The following GPATCH8 variants were observed in gnomAD, a reference collection of about 807,000 sequenced individuals.
GPATCH8 encodes the protein G patch domain-containing protein 8.
In GPATCH8, 18 loss-of-function variants were observed where a neutral mutation model predicts 118.3. That is an observed-to-expected ratio of 0.15 (90% CI 0.11 to 0.23). The LOEUF (loss-of-function observed/expected upper bound fraction) is 0.23, where lower values mean the gene tolerates loss of function less well. GPATCH8 is among the 10% of genes least tolerant of loss of function. GPATCH8 has a pLI of 1.00. For missense variants in GPATCH8, 1,631 were observed against 1,873.8 expected (o/e 0.87, Z 2.39); for synonymous variants, 659 against 684.7 (o/e 0.96, Z 0.59).
intron 3 of GPATCH8, among the ~76,000 whole-genome samples, chr17:44,443,529 G>C (rs1198795387): frequency 6.6e-6 from 1 of 151,954 alleles, no homozygotes; most frequent in Admixed American, 6.6e-5. Flanking sequence ...AATCCCTAGA[G>C]AGTTTTTAAG....
In GPATCH8 at chr17:44,464,455, T is replaced by C; in HGVS notation, c.193+17A>G. 7.0e-7 allele frequency: 1 copy of C among 1,423,922 alleles called. No individual in the cohort carries two copies. The highest frequency in any genetic ancestry group is 9.9e-7 in the Non-Finnish European group (1 of 1,006,310). 88.2% of individuals were successfully genotyped at this position (1,423,922 alleles called of 1,614,324 possible). A position where few individuals can be genotyped will look rare whatever the true frequency, so the allele number is the denominator to read the frequency against. ...AATGGTTTTCTTCCTTTTTCTCTGG[T>C]AAATGTAAACACTTACCCTGAAGAG... is the stretch of plus-strand genomic sequence containing the variant. On this transcript the variant is annotated intron_variant, in intron 3 of 7. Coordinates refer to ENST00000591680, the MANE Select transcript of GPATCH8 (RefSeq NM_001002909.4).
chr17:44,432,060 T>A (rs1396933678), intron 5 of GPATCH8, among the ~76,000 whole-genome samples: 2 of 151,688 alleles, frequency 1.3e-5, no homozygotes, highest in Admixed American at 1.3e-4. Context: ...TTTTTTTTTT[T>A]TTTTTAATTT....
At position 44,400,460 on chromosome 17, in the gene GPATCH8, T is replaced by C; in HGVS notation, c.1617A>G (p.Pro539=). ...CAGTGCTTTCATCTTTGCTCAAAAC[T>C]GGGAAGAAGGGACCAGTAGGATGTT... ...GPKHPTGPFF[P]VLSKDESTAL... The change falls in exon 8 of 8, where the codon CCA becomes CCG. Residue 539 remains proline, a synonymous_variant. Transcript: ENST00000591680. The C allele has an allele frequency of 6.2e-7, 1 of 1,614,234 alleles. No individual in the cohort carries two copies.
intron 5 of GPATCH8, among the ~76,000 whole-genome samples, chr17:44,432,572 G>C (rs1240115036): frequency 6.6e-6 from 1 of 152,160 alleles, no homozygotes; most frequent in African/African-American, 2.4e-5. Flanking sequence ...CTTTTGGTGA[G>C]TATGTATGAC....
rs200988896 is a variant in GPATCH8 at position 44,479,965 on chromosome 17, C to CA, written c.46-5063dup. Among the ~76,000 whole-genome samples, 240 of 135,102 alleles carry CA rather than the reference C, an allele frequency of 1.8e-3. 1 individual carries two copies. Among genetic ancestry groups the CA allele is most frequent in the African/African-American group, 4.2e-3 (145 of 34,226 alleles). 88.6% of individuals were successfully genotyped at this position (135,102 alleles called of 152,430 possible). On this transcript the variant is annotated intron_variant, in intron 1 of 7. Coordinates refer to ENST00000591680, the MANE Select transcript of GPATCH8 (RefSeq NM_001002909.4). ...TTGGCGACAGAGCAAGACTCCGTCT[C>CA]AAAAAAAAAAAAAAATTGATAGGCT...
rs751054311 is a variant in GPATCH8, at chr17:44,400,769, T to C, written c.1308A>G (p.Lys436=). 1 of 1,613,848 alleles carries C rather than the reference T, an allele frequency of 6.2e-7. No individual in the cohort carries two copies. Among genetic ancestry groups the C allele is most frequent in the Non-Finnish European group, 8.5e-7 (1 of 1,179,740 alleles). ...AGCTTTTAGGCTTGGGAGAACTGCC[T>C]TTTTTACTCTCTGGGGCATTCTTTG... ...THPKNAPESK[K]GSSPKPKSCI... is the part of the protein sequence containing the mutation. The change falls in exon 8 of 8, where the codon AAA becomes AAG. Residue 436 remains lysine, a synonymous_variant. Coordinates refer to ENST00000591680, the MANE Select transcript of GPATCH8 (RefSeq NM_001002909.4).
At chr17:44,492,545 C>T (rs997499547) in intron 1 of GPATCH8, among the ~76,000 whole-genome samples, 11 of 151,946 alleles carry the variant, frequency 7.2e-5, no homozygotes, top group Non-Finnish European at 1.2e-4. Context: ...ACAATCCAGC[C>T]TGGGCGACAG....
At chr17:44,438,414 T>C (rs1292423419) in intron 3 of GPATCH8, among the ~76,000 whole-genome samples, 1 of 152,094 alleles carries the variant, frequency 6.6e-6, no homozygotes, top group Non-Finnish European at 1.5e-5. Context: ...GCCCATTACA[T>C]TGTGGGGAAA....
At chr17:44,424,272 G>A in intron 6 of GPATCH8, 77 bp downstream of exon 6, 2 of 975,522 alleles carry the variant, frequency 2.1e-6, no homozygotes, top group Non-Finnish European at 3.3e-6. Context: ...CCAAGTTTTG[G>A]GGGGTATACT....
intron 6 of GPATCH8, among the ~76,000 whole-genome samples, chr17:44,415,068 T>TA (rs2049623806): frequency 6.6e-6 from 1 of 152,264 alleles, no homozygotes; most frequent in African/African-American, 2.4e-5. Context: ...GACATATGTT[T>TA]ACACTTCCCT....
rs571524490 is a variant in GPATCH8, at chr17:44,408,298, G to A, written c.493-2247C>T. Among the ~76,000 whole-genome samples, 8 of 152,096 alleles carry A rather than the reference G, an allele frequency of 5.3e-5. No individual in the cohort carries two copies. The East Asian group carries it at 1.4e-3, about 26-fold the overall frequency. On this transcript the variant is annotated intron_variant, in intron 6 of 7. Coordinates refer to ENST00000591680, the MANE Select transcript of GPATCH8 (RefSeq NM_001002909.4). ...CCTCCCGGGTCCAAGCAATTCTCCTGCCTTAGCCTCCCGAGTAGCTGGGAC... is the reference window on the plus strand; with the variant it reads ...CCTCCCGGGTCCAAGCAATTCTCCTACCTTAGCCTCCCGAGTAGCTGGGAC...
chr17:44,453,595 G>A (rs1224010896), intron 3 of GPATCH8, among the ~76,000 whole-genome samples: 1 of 150,584 alleles, frequency 6.6e-6, no homozygotes, highest in Non-Finnish European at 1.5e-5. Context: ...GCAATGACAC[G>A]GCACCCTGCA....
intron 1 of GPATCH8, among the ~76,000 whole-genome samples, chr17:44,493,042 G>T (rs536999393): frequency 1.5e-5 from 2 of 132,902 alleles, no homozygotes; most frequent in East Asian, 4.4e-4. Context: ...ACCAATGGTG[G>T]TAAGCCATTA....
chr17:44,473,990 C>A (rs1967525050), intron 2 of GPATCH8, among the ~76,000 whole-genome samples: 1 of 152,116 alleles, frequency 6.6e-6, no homozygotes, highest in African/African-American at 2.4e-5. Context: ...AAGTGGGGGG[C>A]TTGTCATGAT....
In GPATCH8 at chr17:44,397,559, T is replaced by C; in HGVS notation, c.*9A>G. 6.3e-7 allele frequency: 1 copy of C among 1,596,218 alleles called. No individual in the cohort carries two copies. Among genetic ancestry groups the C allele is most frequent in the South Asian group, 1.1e-5 (1 of 90,716 alleles). On this transcript the variant is annotated 3_prime_UTR_variant, in exon 8 of 8. Transcript: ENST00000591680. ...TCCCCTGGCCCTACCTAGGATCCCA[T>C]CCCCCAACTCACGTGCCATGGCTGG...
intron 3 of GPATCH8, among the ~76,000 whole-genome samples, chr17:44,443,041 G>T (rs1158808571): frequency 6.6e-6 from 1 of 152,182 alleles, no homozygotes; most frequent in African/African-American, 2.4e-5. Flanking sequence ...TCGCACCACT[G>T]CACTCCAGCC....
intron 1 of GPATCH8, among the ~76,000 whole-genome samples, chr17:44,480,043 A>C (rs980583987): frequency 2.0e-5 from 3 of 152,142 alleles, no homozygotes; most frequent in African/African-American, 7.2e-5. Flanking sequence ...AAAAATCAGA[A>C]ACCAATGAAT....
At chr17:44,414,079 A>ATATGTGTG (rs908415895) in intron 6 of GPATCH8, among the ~76,000 whole-genome samples, 3 of 129,892 alleles carry the variant, frequency 2.3e-5, no homozygotes, top group African/African-American at 9.0e-5. Flanking sequence ...ATATATATAT[A>ATATGTGTG]TGTGTGTGTA....
At chr17:44,412,291 G>C (rs142317106) in intron 6 of GPATCH8, among the ~76,000 whole-genome samples, 3,015 of 152,336 alleles carry the variant, frequency 0.02, 106 homozygotes, top group African/African-American at 0.068. Context: ...ATGGGAGGCT[G>C]AGGCAGGAGG....
Sources: gnomAD v4.1 joint callset for allele counts (sites outside exome capture counted in the v4.1 genomes callset) on GRCh38, gnomAD v4.1.1 for gene constraint, MANE v1.5 for transcripts, NCBI Gene and HGNC (gene_info 2026-07-23, HGNC 2026-07-21) for gene names.